Variants in MROH7 observed in about 807,000 individuals in gnomAD.
The protein encoded by MROH7 is maestro heat like repeat family member 7, also known as maestro heat-like repeat-containing protein family member 7.
MROH7 carries 113 observed loss-of-function variants against 129.2 expected under a neutral mutation model. The observed-to-expected ratio is 0.87, with a 90% CI of 0.75 to 1.02. The LOEUF (loss-of-function observed/expected upper bound fraction) is 1.02, where lower values mean the gene tolerates loss of function less well. Ranked by LOEUF, MROH7 falls within the 50% of genes least tolerant of loss-of-function variation. MROH7 has a pLI of 0.00. For synonymous variants in MROH7, 655 were observed against 667.9 expected (o/e 0.98, Z 0.30); for missense variants, 1,601 against 1,671.3 (o/e 0.96, Z 0.73).
At chr1:54,665,392 T>C in intron 4 of MROH7, 152 bp downstream of exon 4, 4 of 593,166 alleles carry the variant, frequency 6.7e-6, no homozygotes, top group East Asian at 5.7e-5. Flanking sequence ...ATGTGCCATA[T>C]GCTTTGTTTA....
chr1:54,654,063 G>A lies in MROH7; in HGVS notation c.1137G>A (p.Glu379=), dbSNP rs1644602937. The A allele has an allele frequency of 6.2e-7, 1 of 1,614,186 alleles. No individual in the cohort carries two copies. The highest frequency in any genetic ancestry group is 2.2e-5 in the East Asian group (1 of 44,884). ...PLEENLESWS[E]MASIKVGQFP... The stretch of plus-strand genomic sequence containing the variant: ...AGGAGAATCTGGAGAGTTGGAGTGA[G>A]ATGGCCAGCATTAAGGTGGGCCAGT... Residue 379 remains glutamate (E), a synonymous_variant, in exon 3 of 24, where the codon GAG becomes GAA. Coordinates refer to ENST00000421030, the MANE Select transcript of MROH7 (RefSeq NM_001039464.4).
chr1:54,700,057 GCT>G, intron 17 of MROH7: 1 of 666,494 alleles, frequency 1.5e-6, no homozygotes, highest in East Asian at 2.7e-5. Context: ...TGGGCACGCT[GCT>G]GTTAATGAGG....
rs748123333 is a variant in MROH7, at chr1:54,692,538, C to A, written c.2826C>A (p.His942Gln). 6.2e-7 allele frequency: 1 copy of A among 1,613,746 alleles called. No homozygotes were observed. ...TCATGGAGCAGGTGGAGAGCCACCA[C>A]CGCGGAGTGGCCTTGCTGGCAAGGT... ...WELMEQVESH[H>Q]RGVALLARAM... The change falls in exon 16 of 24, where the codon CAC (histidine) becomes CAA (glutamine). Residue 942 changes from histidine to glutamine, a missense_variant. By Grantham distance (24) the His-to-Gln change is conservative (BLOSUM62 0). Coordinates refer to ENST00000421030, the MANE Select transcript of MROH7 (RefSeq NM_001039464.4).
intron 4 of MROH7, among the ~76,000 whole-genome samples, chr1:54,668,005 C>G (rs1274131506): frequency 6.6e-6 from 1 of 152,224 alleles, no homozygotes; most frequent in Non-Finnish European, 1.5e-5. Context: ...GGTGTTTCTT[C>G]TGCTCCACAG....
At chr1:54,691,803 AGT>A (rs373106798) in intron 15 of MROH7, among the ~76,000 whole-genome samples, 6,643 of 104,034 alleles carry the variant, frequency 0.064, 215 homozygotes, top group Non-Finnish European at 0.08. Context: ...AAAAAAAAAA[AGT>A]GTGTGTGTGT....
At chr1:54,680,158 C>T (rs1645046697) in intron 13 of MROH7, 113 bp downstream of exon 13, 3 of 933,796 alleles carry the variant, frequency 3.2e-6, no homozygotes, top group South Asian at 3.0e-5. Flanking sequence ...CCAGATGGCC[C>T]CCCTTCTGTG....
At chr1:54,659,007 A>G in intron 3 of MROH7, 1 of 326,746 alleles carries the variant, frequency 3.1e-6, no homozygotes, top group Admixed American at 3.9e-5. Flanking sequence ...TCTGATTTGC[A>G]TCACCATAGA....
At chr1:54,683,117 A>G (rs1645096526) in intron 14 of MROH7, among the ~76,000 whole-genome samples, 1 of 147,762 alleles carries the variant, frequency 6.8e-6, no homozygotes, top group African/African-American at 2.6e-5. Context: ...GCAGAGGATC[A>G]CTTGAGGCTA....
Position 54,710,227 on chromosome 1 carries a change from C to G in MROH7, c.*40C>G. On this transcript the variant is annotated 3_prime_UTR_variant, in exon 24 of 24. Coordinates refer to ENST00000421030, the MANE Select transcript of MROH7 (RefSeq NM_001039464.4). ...AAACCCTCCTCAGGGTGGTTGAGTT[C>G]CAGCCATGCTCCCTATAAATGTCAT... 1 of 1,596,650 alleles carries G rather than the reference C, an allele frequency of 6.3e-7. No individual in the cohort carries two copies. Among genetic ancestry groups the G allele is most frequent in the Admixed American group, 1.7e-5 (1 of 59,828 alleles).
At chr1:54,684,292 A>C (rs994676973) in intron 14 of MROH7, among the ~76,000 whole-genome samples, 1 of 152,188 alleles carries the variant, frequency 6.6e-6, no homozygotes, top group African/African-American at 2.4e-5. Context: ...TCACCTAGCT[A>C]GCAATGGTGG....
At chr1:54,660,065 A>G (rs868001283) in intron 3 of MROH7, among the ~76,000 whole-genome samples, 8 of 152,198 alleles carry the variant, frequency 5.3e-5, no homozygotes, top group South Asian at 2.1e-4. Context: ...ATATTGCCAA[A>G]CAGTTTTTCA....
Position 54,644,678 on chromosome 1 carries a change from A to AT in MROH7, c.-110+2710_-110+2711insT, listed in dbSNP as rs1017017083. 6.6e-5 allele frequency among the ~76,000 whole-genome samples: 10 copies of AT among 151,444 alleles called. No individual in the cohort carries two copies. The East Asian group carries it at 1.8e-3, about 27-fold the overall frequency. On this transcript the variant is annotated intron_variant, in intron 1 of 23. Transcript: ENST00000421030. Reference sequence around the variant, plus strand: ...TCTTCTGTTTTTTAATGTAAAAAAAAAAAAATAGAAATGAGGTCCCACTGT... The same window carrying AT: ...TCTTCTGTTTTTTAATGTAAAAAAAATAAAAATAGAAATGAGGTCCCACTGT...
chr1:54,665,073 G>A (rs1644789905), intron 3 of MROH7, 94 bp from the exon 4 acceptor site: 2 of 896,096 alleles, frequency 2.2e-6, no homozygotes, highest in Admixed American at 2.0e-5. Context: ...GGTAAGGATT[G>A]GAGGTGCCTA....
intron 7 of MROH7, among the ~76,000 whole-genome samples, chr1:54,672,595 A>C (rs891446900): frequency 6.6e-6 from 1 of 152,158 alleles, no homozygotes; most frequent in African/African-American, 2.4e-5. Context: ...AAAAAGAATC[A>C]GAGCATTTCC....
chr1:54,686,377 C>T lies in MROH7; in HGVS notation c.2640C>T (p.Asn880=), dbSNP rs545100293. ...AGGTCCATTACCACATCGGCCTCAA[C>T]CTGCCTGGCTGCGTGGCTCCTCCCA... is the stretch of plus-strand genomic sequence containing the variant. The part of the protein sequence containing the change: ...LIQVHYHIGL[N]LPGCVAPPKD... Residue 880 remains asparagine, a synonymous_variant, in exon 15 of 24, where the codon AAC becomes AAT. Coordinates refer to ENST00000421030, the MANE Select transcript of MROH7 (RefSeq NM_001039464.4). 3 of 1,614,204 alleles carry T rather than the reference C, an allele frequency of 1.9e-6. No individual in the cohort carries two copies. The highest frequency in any genetic ancestry group is 2.2e-5 in the South Asian group (2 of 91,088).
chr1:54,650,343 A>G (rs1284980401), intron 1 of MROH7, among the ~76,000 whole-genome samples: 1 of 152,232 alleles, frequency 6.6e-6, no homozygotes, highest in Non-Finnish European at 1.5e-5. Flanking sequence ...AAGCCATGCT[A>G]TAAAGATACA....
chr1:54,670,086 C>CA (rs995942040), intron 5 of MROH7, among the ~76,000 whole-genome samples: 3 of 148,696 alleles, frequency 2.0e-5, no homozygotes, highest in East Asian at 2.0e-4. Flanking sequence ...AAAAAAAACA[C>CA]AAAAAAACAT....
rs36109984 is a variant in MROH7, at chr1:54,682,160, C to CT, written c.2382-479dup. On this transcript the variant is annotated intron_variant, in intron 13 of 23. Transcript: ENST00000421030. ...GGAAATAGGGTTTCTTTCTTTCTTTCTTTTTTTTTTTTTTTTTGAAGATGG... is the reference window on the plus strand; with the variant it reads ...GGAAATAGGGTTTCTTTCTTTCTTTCTTTTTTTTTTTTTTTTTTGAAGATGG... 5.6e-3 allele frequency among the ~76,000 whole-genome samples: 752 copies of CT among 134,930 alleles called. 10 individuals carry two copies. Among genetic ancestry groups the CT allele is most frequent in the African/African-American group, 0.017 (616 of 36,386 alleles). The allele number at this position is 134,930 out of a possible 152,430, so 88.5% of individuals were successfully genotyped here.
At chr1:54,667,248 G>A (rs952994794) in intron 4 of MROH7, among the ~76,000 whole-genome samples, 6 of 152,092 alleles carry the variant, frequency 3.9e-5, no homozygotes, top group African/African-American at 1.4e-4. Context: ...GATTAAATTA[G>A]CCATCCCTCT....
Sources: allele counts gnomAD v4.1 joint callset (sites outside exome capture counted in the v4.1 genomes callset), GRCh38; gene constraint gnomAD v4.1.1; transcripts MANE v1.5; gene names NCBI Gene and HGNC (gene_info 2026-07-23, HGNC 2026-07-21).